The following PTPRG variants were observed in gnomAD, a reference collection of about 807,000 sequenced individuals.
The protein encoded by PTPRG is receptor-type tyrosine-protein phosphatase gamma.
Under a neutral mutation model 165.3 loss-of-function variants are expected in PTPRG, and 102 were observed. The ratio of observed to expected loss-of-function variants is 0.62; its 90% CI spans 0.53 to 0.73. PTPRG has a LOEUF of 0.73. PTPRG is among the 30% of genes least tolerant of loss of function. The probability of loss-of-function intolerance (pLI) is 0.00; values close to 1 mark genes in which losing one functional copy is unlikely to be tolerated. For missense variants in PTPRG, 1,866 were observed against 1,861.4 expected, an observed-to-expected ratio of 1.00 and a Z score of -0.05; for synonymous variants, 675 against 669.5, an observed-to-expected ratio of 1.01 and a Z score of -0.13.
intron 2 of PTPRG, among the ~76,000 whole-genome samples, chr3:61,791,116 A>G (rs1457643658): frequency 3.3e-5 from 5 of 152,172 alleles, no homozygotes; most frequent in Non-Finnish European, 5.9e-5. Flanking sequence ...TATAATTTTT[A>G]TTATTTGACT....
chr3:62,129,274 A>T (rs9878161), intron 5 of PTPRG, among the ~76,000 whole-genome samples: 22,466 of 152,152 alleles, frequency 0.15, 1,855 homozygotes, highest in East Asian at 0.31. Context: ...ATAGCCTACA[A>T]ATATTATTGG....
At chr3:61,667,343 T>C (rs1259092438) in intron 1 of PTPRG, among the ~76,000 whole-genome samples, 1 of 152,192 alleles carries the variant, frequency 6.6e-6, no homozygotes, top group Non-Finnish European at 1.5e-5. Context: ...AGAGAAAACT[T>C]CCTTCTAAGT....
chr3:61,654,582 C>T (rs1411383310), intron 1 of PTPRG, among the ~76,000 whole-genome samples: 3 of 151,882 alleles, frequency 2.0e-5, no homozygotes, highest in African/African-American at 4.8e-5. Context: ...GATGAGGTTT[C>T]GTCATGTTGT....
intron 25 of PTPRG, 46 bp downstream of exon 25, chr3:62,277,094 G>T (rs753360547): frequency 4.7e-6 from 7 of 1,491,528 alleles, no homozygotes; most frequent in Non-Finnish European, 6.5e-6. Context: ...TAAACTGAAA[G>T]GTGTTAAAGA....
chr3:62,192,776 C>A (rs992881387), intron 9 of PTPRG, among the ~76,000 whole-genome samples: 3 of 151,996 alleles, frequency 2.0e-5, no homozygotes, highest in African/African-American at 7.2e-5. Context: ...GAAAGCCTTG[C>A]GTTTATTGTT....
chr3:61,783,110 T>G (rs1361592967), intron 2 of PTPRG, among the ~76,000 whole-genome samples: 2 of 152,184 alleles, frequency 1.3e-5, no homozygotes, highest in African/African-American at 4.8e-5. Context: ...CCAGCTCAGT[T>G]TGGTTGAGTA....
At chr3:62,048,513 C>T (rs1386287790) in intron 4 of PTPRG, among the ~76,000 whole-genome samples, 3 of 152,222 alleles carry the variant, frequency 2.0e-5, no homozygotes, top group Non-Finnish European at 4.4e-5. Context: ...TGTACCTTTA[C>T]CTCTTGTAAA....
In PTPRG at chr3:61,603,304, G is replaced by A. The variant is rs1191733496; in HGVS notation, c.85+40932G>A. ...TGGGAGGAGTTTGGATAATAGGGGCGGAGCCTTTGTGGTTTGGTGCTGTCT... is the reference window on the plus strand; with the variant it reads ...TGGGAGGAGTTTGGATAATAGGGGCAGAGCCTTTGTGGTTTGGTGCTGTCT... On this transcript the variant is annotated intron_variant, in intron 1 of 29. Coordinates refer to ENST00000474889, the MANE Select transcript of PTPRG (RefSeq NM_002841.4). Among the ~76,000 whole-genome samples, 9 of 152,122 alleles carry A rather than the reference G, an allele frequency of 5.9e-5. 1 individual carries two copies. Among genetic ancestry groups the A allele is most frequent in the East Asian group, 1.9e-4 (1 of 5,184 alleles).
At chr3:61,980,123 G>T (rs1017104210) in intron 2 of PTPRG, among the ~76,000 whole-genome samples, 1 of 152,120 alleles carries the variant, frequency 6.6e-6, no homozygotes, top group African/African-American at 2.4e-5. Context: ...CTGAGTAATG[G>T]TGTGAAAAAG....
At chr3:61,755,028 G>T (rs955840656) in intron 2 of PTPRG, among the ~76,000 whole-genome samples, 1 of 149,790 alleles carries the variant, frequency 6.7e-6, no homozygotes, top group Non-Finnish European at 1.5e-5. Context: ...GTCTTACCCT[G>T]TTGCCCAGAT....
chr3:61,786,428 G>A (rs1250359556), intron 2 of PTPRG, among the ~76,000 whole-genome samples: 1 of 152,164 alleles, frequency 6.6e-6, no homozygotes, highest in East Asian at 1.9e-4. Context: ...TGAGCCTCAT[G>A]AGTTATTTCA....
intron 2 of PTPRG, among the ~76,000 whole-genome samples, chr3:61,827,075 A>C (rs1010552325): frequency 1.3e-5 from 2 of 152,168 alleles, no homozygotes; most frequent in Non-Finnish European, 2.9e-5. Context: ...TTTAGTTGGA[A>C]TCTTTCAGAG....
intron 1 of PTPRG, among the ~76,000 whole-genome samples, chr3:61,683,686 G>T (rs1316001810): frequency 1.3e-5 from 2 of 152,236 alleles, no homozygotes; most frequent in African/African-American, 2.4e-5. Context: ...GTTCTCTGTC[G>T]TGCTTGAGCT....
At chr3:61,600,204 G>A (rs1455152015) in intron 1 of PTPRG, among the ~76,000 whole-genome samples, 2 of 149,606 alleles carry the variant, frequency 1.3e-5, no homozygotes, top group Non-Finnish European at 3.0e-5. Context: ...GTGTGTGTGT[G>A]TGTGTGTGTG....
At chr3:61,626,027 G>C (rs35693895) in intron 1 of PTPRG, among the ~76,000 whole-genome samples, 113 of 114,178 alleles carry the variant, frequency 9.9e-4, no homozygotes, top group African/African-American at 1.2e-3. Flanking sequence ...TTTTTTTGGG[G>C]GGGCGGGAGA....
rs141785918 is a variant in PTPRG, at chr3:61,946,999, G to A, written c.191-42626G>A. ...CTCTTCTTGGGGGATGTATGTTTGGGGTTAAGTAAGGAAGAGTTTCAGAGG... is the reference window on the plus strand; with the variant it reads ...CTCTTCTTGGGGGATGTATGTTTGGAGTTAAGTAAGGAAGAGTTTCAGAGG... On this transcript the variant is annotated intron_variant, in intron 2 of 29. Coordinates refer to ENST00000474889, the MANE Select transcript of PTPRG (RefSeq NM_002841.4). Among the ~76,000 whole-genome samples, 672 of 152,244 alleles carry A rather than the reference G, an allele frequency of 4.4e-3. 5 individuals carry two copies. The highest frequency in any genetic ancestry group is 0.015 in the African/African-American group (622 of 41,542).
At chr3:61,994,446 A>G (rs1294243408) in intron 3 of PTPRG, among the ~76,000 whole-genome samples, 2 of 152,190 alleles carry the variant, frequency 1.3e-5, no homozygotes, top group East Asian at 3.9e-4. Flanking sequence ...TTCTTTGCCT[A>G]CATTCTTCCC....
chr3:61,790,917 A>G (rs990895784), intron 2 of PTPRG, among the ~76,000 whole-genome samples: 3 of 152,224 alleles, frequency 2.0e-5, no homozygotes, highest in South Asian at 2.1e-4. Context: ...TAAAGTATAT[A>G]TAAAATCTGA....
intron 5 of PTPRG, among the ~76,000 whole-genome samples, chr3:62,097,201 T>A (rs981002512): frequency 1.3e-5 from 2 of 152,212 alleles, no homozygotes; most frequent in African/African-American, 4.8e-5. Context: ...AACCTAATGG[T>A]ATAAGATAGG....
Sources: allele counts gnomAD v4.1 joint callset (sites outside exome capture counted in the v4.1 genomes callset), GRCh38; gene constraint gnomAD v4.1.1; transcripts MANE v1.5; gene names NCBI Gene and HGNC (gene_info 2026-07-23, HGNC 2026-07-21).